Variants in DACH1 observed in about 807,000 individuals in gnomAD.
DACH1 encodes the protein dachshund family transcription factor 1.
A neutral mutation model predicts 54.2 loss-of-function variants in DACH1; 12 were observed. The observed-to-expected ratio is 0.22, with a 90% CI of 0.14 to 0.36. DACH1 has a LOEUF of 0.36. DACH1 is among the 10% of genes least tolerant of loss of function. The probability of loss-of-function intolerance (pLI) is 1.00; values close to 1 mark genes in which losing one functional copy is unlikely to be tolerated. For missense variants in DACH1, 805 were observed against 929.8 expected, an observed-to-expected ratio of 0.87 and a Z score of 1.75; for synonymous variants, 386 against 366.2, an observed-to-expected ratio of 1.05 and a Z score of -0.62.
intron 3 of DACH1, among the ~76,000 whole-genome samples, chr13:71,595,780 A>C (rs1292518322): frequency 1.3e-5 from 2 of 152,100 alleles, no homozygotes; most frequent in Non-Finnish European, 2.9e-5. Context: ...CCCACTCCTT[A>C]GGAGAGCACA....
intron 6 of DACH1, among the ~76,000 whole-genome samples, chr13:71,517,536 A>G (rs1881254630): frequency 6.6e-6 from 1 of 151,878 alleles, no homozygotes; most frequent in African/African-American, 2.4e-5. Context: ...ATCTTTCACT[A>G]CATTTTGGTC....
At chr13:71,710,763 T>G (rs1882685859) in intron 1 of DACH1, among the ~76,000 whole-genome samples, 1 of 152,132 alleles carries the variant, frequency 6.6e-6, no homozygotes, top group Admixed American at 6.6e-5. Context: ...AAAAAATTCT[T>G]ACATAAAATA....
At chr13:71,718,567 C>A (rs1017730443) in intron 1 of DACH1, among the ~76,000 whole-genome samples, 1 of 104,690 alleles carries the variant, frequency 9.6e-6, no homozygotes, top group Non-Finnish European at 1.9e-5. Context: ...CAGAGCAAGA[C>A]CATATCTGAA....
intron 1 of DACH1, among the ~76,000 whole-genome samples, chr13:71,693,225 G>A (rs1002131876): frequency 1.3e-4 from 19 of 148,362 alleles, no homozygotes; most frequent in Admixed American, 4.0e-4. Context: ...AGTTAGTAAA[G>A]TAAGTCCACA....
chr13:71,697,031 A>C (rs908895421), intron 1 of DACH1, among the ~76,000 whole-genome samples: 17 of 152,196 alleles, frequency 1.1e-4, no homozygotes, highest in Non-Finnish European at 2.5e-4. Context: ...CGCAAAGTGC[A>C]CTGGGTCCAC....
intron 1 of DACH1, among the ~76,000 whole-genome samples, chr13:71,719,611 A>T (rs1288577711): frequency 6.6e-6 from 1 of 152,122 alleles, no homozygotes; most frequent in East Asian, 1.9e-4. Context: ...TCTTTCCATC[A>T]AAAACAGATT....
intron 10 of DACH1, among the ~76,000 whole-genome samples, chr13:71,474,187 C>T (rs1877322662): frequency 6.6e-6 from 1 of 152,024 alleles, no homozygotes; most frequent in Admixed American, 6.6e-5. Flanking sequence ...AAAAATGTTT[C>T]TTCAAGTTTG....
At chr13:71,497,960 T>C (rs1879586938) in intron 6 of DACH1, among the ~76,000 whole-genome samples, 1 of 151,416 alleles carries the variant, frequency 6.6e-6, no homozygotes, top group Non-Finnish European at 1.5e-5. Context: ...AAATAGACTG[T>C]GAATAACATA....
At chr13:71,502,491 C>G (rs1260714578) in intron 6 of DACH1, among the ~76,000 whole-genome samples, 5 of 152,166 alleles carry the variant, frequency 3.3e-5, no homozygotes, top group African/African-American at 1.2e-4. Flanking sequence ...CTTGTCGGAG[C>G]TGTTTAACCA....
intron 7 of DACH1, among the ~76,000 whole-genome samples, chr13:71,487,346 G>A (rs1878620980): frequency 6.6e-6 from 1 of 152,244 alleles, no homozygotes; most frequent in African/African-American, 2.4e-5. Flanking sequence ...CACCTACAAT[G>A]AGTAATTTGT....
At chr13:71,544,072 G>A (rs756872935) in intron 6 of DACH1, among the ~76,000 whole-genome samples, 6 of 152,144 alleles carry the variant, frequency 3.9e-5, no homozygotes, top group African/African-American at 7.2e-5. Flanking sequence ...CTCTTAATAC[G>A]ATAGTGATTT....
intron 3 of DACH1, among the ~76,000 whole-genome samples, chr13:71,622,248 C>A (rs1876301020): frequency 6.6e-6 from 1 of 151,908 alleles, no homozygotes; most frequent in Non-Finnish European, 1.5e-5. Context: ...ATGTGAAATA[C>A]TAGGTCTGGT....
intron 2 of DACH1, among the ~76,000 whole-genome samples, chr13:71,680,688 G>A (rs563633860): frequency 7.9e-5 from 12 of 152,210 alleles, no homozygotes; most frequent in East Asian, 1.9e-4. Flanking sequence ...ACAAATAGCC[G>A]AAATAGCTAC....
At position 71,544,879 on chromosome 13, in the gene DACH1, T is replaced by C. The variant is rs567063526; in HGVS notation, c.1570+12145A>G. Among the ~76,000 whole-genome samples, 37 of 152,150 alleles carry C rather than the reference T, an allele frequency of 2.4e-4. No individual in the cohort carries two copies. In the East Asian group the frequency reaches 6.6e-3, roughly 27 times the overall value. On this transcript the variant is annotated intron_variant, in intron 6 of 10. Transcript: ENST00000613252. ...GACTTTAGGATGAATCCAAGTCCTA[T>C]GGATAGATTACTTAATTAAACAACC...
At chr13:71,665,860 C>G (rs1452655321) in intron 2 of DACH1, among the ~76,000 whole-genome samples, 2 of 152,020 alleles carry the variant, frequency 1.3e-5, no homozygotes, top group African/African-American at 2.4e-5. Flanking sequence ...CCCAATTGGG[C>G]CCTTCATTTC....
At chr13:71,633,732 T>G (rs2138577679) in intron 2 of DACH1, among the ~76,000 whole-genome samples, 1 of 152,294 alleles carries the variant, frequency 6.6e-6, no homozygotes, top group African/African-American at 2.4e-5. Context: ...CAATTGCTGA[T>G]TTTAGTTTCA....
At chr13:71,487,457 T>G (rs1333868777) in intron 7 of DACH1, among the ~76,000 whole-genome samples, 2 of 152,098 alleles carry the variant, frequency 1.3e-5, no homozygotes, top group Non-Finnish European at 2.9e-5. Context: ...TAGTTCGAGG[T>G]GATGTGGATA....
At chr13:71,787,514 T>G (rs991119646) in intron 1 of DACH1, among the ~76,000 whole-genome samples, 1 of 152,346 alleles carries the variant, frequency 6.6e-6, no homozygotes, top group South Asian at 2.1e-4. Context: ...GTTATGAGCC[T>G]TCGCAAATCA....
chr13:71,638,543 T>C (rs1877664503), intron 2 of DACH1, among the ~76,000 whole-genome samples: 1 of 152,184 alleles, frequency 6.6e-6, no homozygotes, highest in Admixed American at 6.5e-5. Context: ...GTTTCAGTCA[T>C]AAATGTTTAC....
Sources: allele counts gnomAD v4.1 joint callset (sites outside exome capture counted in the v4.1 genomes callset), GRCh38; gene constraint gnomAD v4.1.1; transcripts MANE v1.5; gene names NCBI Gene and HGNC (gene_info 2026-07-23, HGNC 2026-07-21).